The following KDM2A variants were observed in gnomAD, a reference collection of about 807,000 sequenced individuals.
The protein encoded by KDM2A is lysine-specific demethylase 2A.
KDM2A carries 3 observed loss-of-function variants against 137.3 expected under a neutral mutation model. The ratio of observed to expected loss-of-function variants is 0.02; its 90% CI spans 0.01 to 0.06. The LOEUF (loss-of-function observed/expected upper bound fraction) is 0.06, where lower values mean the gene tolerates loss of function less well. Ranked by LOEUF, KDM2A falls within the 10% of genes least tolerant of loss-of-function variation. KDM2A has a pLI of 1.00. For synonymous variants in KDM2A, 512 were observed against 541.5 expected, an observed-to-expected ratio of 0.95 and a Z score of 0.76; for missense variants, 738 against 1,510.6, an observed-to-expected ratio of 0.49 and a Z score of 8.48.
intron 5 of KDM2A, among the ~76,000 whole-genome samples, chr11:67,191,187 C>T (rs371776268): frequency 2.0e-5 from 3 of 151,972 alleles, no homozygotes; most frequent in Admixed American, 6.6e-5. Flanking sequence ...GGATTATGCC[C>T]GGCTAATTTT....
intron 8 of KDM2A, 69 bp from the exon 9 acceptor site, chr11:67,217,662 T>C: frequency 2.0e-6 from 3 of 1,491,804 alleles, no homozygotes; most frequent in Non-Finnish European, 2.8e-6. Context: ...TTGTACCTGT[T>C]TATCAGTTGA....
At chr11:67,224,656 T>C (rs1858478116) in intron 10 of KDM2A, among the ~76,000 whole-genome samples, 1 of 150,868 alleles carries the variant, frequency 6.6e-6, no homozygotes, top group African/African-American at 2.4e-5. Context: ...TTAGTAGAGA[T>C]GGGGTTTCAC....
intron 10 of KDM2A, among the ~76,000 whole-genome samples, chr11:67,227,031 T>C (rs1365285814): frequency 6.6e-6 from 1 of 152,234 alleles, no homozygotes; most frequent in Non-Finnish European, 1.5e-5. Flanking sequence ...TAATCTGTGC[T>C]GATTTGTCCT....
intron 2 of KDM2A, among the ~76,000 whole-genome samples, chr11:67,142,796 G>C (rs972361322): frequency 5.3e-5 from 8 of 151,952 alleles, no homozygotes; most frequent in African/African-American, 1.9e-4. Context: ...TAGAAGTACA[G>C]TAATTAAAAT....
intron 2 of KDM2A, among the ~76,000 whole-genome samples, chr11:67,171,969 A>G (rs751745156): frequency 1.3e-5 from 2 of 152,188 alleles, no homozygotes; most frequent in African/African-American, 2.4e-5. Flanking sequence ...TGAAATTACT[A>G]TAGTTTTATA....
At chr11:67,194,614 A>G (rs180759245) in intron 5 of KDM2A, among the ~76,000 whole-genome samples, 125 of 152,324 alleles carry the variant, frequency 8.2e-4, no homozygotes, top group African/African-American at 2.5e-3. Flanking sequence ...CACCCAATAC[A>G]TATTGGTGAT....
Position 67,254,633 on chromosome 11 carries a change from A to C in KDM2A, c.3307+215A>C. 6.3e-6 allele frequency: 4 copies of C among 639,208 alleles called. No individual in the cohort carries two copies. In the South Asian group the frequency reaches 7.7e-5, roughly 12 times the overall value. The allele number at this position is 639,208 out of a possible 1,614,324, so 39.6% of individuals were successfully genotyped here. A position where few individuals can be genotyped will look rare whatever the true frequency, so the allele number is the denominator to read the frequency against. On this transcript the variant is annotated intron_variant, in intron 20 of 20. Transcript: ENST00000529006. The surrounding 1 kb of genome is among the most constrained non-coding windows in gnomAD (Gnocchi z 4.7). ...AAGTCGGTTGCCTGTCTGCGCAGCC[A>C]ACATCCAGCTGGAGTTTGGTCAGCC... is the stretch of plus-strand genomic sequence containing the variant.
At chr11:67,195,763 TTAACA>T (rs1240174772) in intron 5 of KDM2A, 4 of 192,472 alleles carry the variant, frequency 2.1e-5, no homozygotes, top group Admixed American at 5.4e-5. Flanking sequence ...AAGAAAATAC[TTAACA>T]TAAGCCAACA....
At chr11:67,242,964 G>C in intron 12 of KDM2A, 45 bp from the exon 13 acceptor site, 1 of 1,526,490 alleles carries the variant, frequency 6.6e-7, no homozygotes, top group South Asian at 1.1e-5. Context: ...TTGGCTCTTT[G>C]TTCACCCTGC....
chr11:67,219,428 C>A, intron 10 of KDM2A, 25 bp downstream of exon 10: 1 of 1,330,104 alleles, frequency 7.5e-7, no homozygotes, highest in Admixed American at 2.0e-5. Flanking sequence ...GTAACAGTTG[C>A]ATGTGAAGAG....
At chr11:67,164,889 C>T (rs532873777) in intron 2 of KDM2A, among the ~76,000 whole-genome samples, 3 of 151,834 alleles carry the variant, frequency 2.0e-5, no homozygotes, top group African/African-American at 4.8e-5. Flanking sequence ...GTGAGCACCG[C>T]GCCTGGCCTG....
chr11:67,229,924 C>A (rs530213538), intron 11 of KDM2A, among the ~76,000 whole-genome samples: 1 of 151,358 alleles, frequency 6.6e-6, no homozygotes, highest in Non-Finnish European at 1.5e-5. Flanking sequence ...CACCTGTAAT[C>A]CCAGCACTTT....
At chr11:67,226,113 C>T (rs1237713586) in intron 10 of KDM2A, among the ~76,000 whole-genome samples, 1 of 150,416 alleles carries the variant, frequency 6.6e-6, no homozygotes, top group Non-Finnish European at 1.5e-5. Context: ...AACAATTAGC[C>T]AGGTGTAGGG....
intron 5 of KDM2A, among the ~76,000 whole-genome samples, chr11:67,184,613 C>T (rs369358044): frequency 2.0e-5 from 3 of 152,194 alleles, no homozygotes; most frequent in Non-Finnish European, 4.4e-5. Context: ...GGTGACAGAG[C>T]GAGACTCATC....
At chr11:67,123,985 TTTG>T (rs1341000489) in intron 2 of KDM2A, among the ~76,000 whole-genome samples, 3 of 151,278 alleles carry the variant, frequency 2.0e-5, no homozygotes, top group East Asian at 1.9e-4. Flanking sequence ...ACTTTTGGGT[TTTG>T]TTGTTGTTGT....
chr11:67,136,599 A>G (rs1450340887), intron 2 of KDM2A, among the ~76,000 whole-genome samples: 1 of 152,182 alleles, frequency 6.6e-6, no homozygotes, highest in East Asian at 1.9e-4. Context: ...ATTCCTTGAG[A>G]TTGAGTGATC....
At chr11:67,134,564 G>A (rs776671138) in intron 2 of KDM2A, among the ~76,000 whole-genome samples, 1 of 152,036 alleles carries the variant, frequency 6.6e-6, no homozygotes, top group Non-Finnish European at 1.5e-5. Flanking sequence ...GAATGTAGTG[G>A]TGCGATCTCG....
At chr11:67,172,967 A>G (rs1856908821) in intron 2 of KDM2A, among the ~76,000 whole-genome samples, 2 of 152,084 alleles carry the variant, frequency 1.3e-5, no homozygotes, top group Admixed American at 1.3e-4. Flanking sequence ...ATATTTATAG[A>G]CATAATGTGA....
chr11:67,154,244 A>G (rs1392349589), intron 2 of KDM2A, among the ~76,000 whole-genome samples: 1 of 152,194 alleles, frequency 6.6e-6, no homozygotes, highest in Non-Finnish European at 1.5e-5. Context: ...CCCATCCAAT[A>G]AGAATGGTTT....
Sources: allele counts gnomAD v4.1 joint callset (sites outside exome capture counted in the v4.1 genomes callset), GRCh38; gene constraint gnomAD v4.1.1; non-coding constraint Gnocchi (gnomAD v3.1); transcripts MANE v1.5; gene names NCBI Gene and HGNC (gene_info 2026-07-23, HGNC 2026-07-21).